KCNH1: variants seen among roughly 807,000 people sequenced by gnomAD.
KCNH1 encodes the protein potassium voltage-gated channel subfamily H member 1, also known as voltage-gated delayed rectifier potassium channel KCNH1.
A neutral mutation model predicts 69.2 loss-of-function variants in KCNH1; 27 were observed. The ratio of observed to expected loss-of-function variants is 0.39; its 90% confidence interval spans 0.29 to 0.54. The LOEUF (loss-of-function observed/expected upper bound fraction) is 0.54. Among genes scored for constraint, KCNH1 ranks in the 20% least tolerant of loss-of-function variants. KCNH1 has a pLI of 0.68. For synonymous variants in KCNH1, 456 were observed against 487.7 expected, an observed-to-expected ratio of 0.93 and a Z score of 0.86; for missense variants, 798 against 1,261.6, an observed-to-expected ratio of 0.63 and a Z score of 5.57.
intron 5 of KCNH1, among the ~76,000 whole-genome samples, chr1:211,073,588 G>A (rs1690683608): frequency 6.6e-6 from 1 of 151,908 alleles, no homozygotes; most frequent in Non-Finnish European, 1.5e-5. Context: ...AAAAATACTT[G>A]GAGACTAAAC....
chr1:210,906,502 C>T (rs1040425079), intron 7 of KCNH1, among the ~76,000 whole-genome samples: 1 of 152,240 alleles, frequency 6.6e-6, no homozygotes, highest in Admixed American at 6.5e-5. Context: ...TGTCATTCCA[C>T]ACAGTGACCG....
At chr1:210,731,737 C>T (rs1326983793) in intron 10 of KCNH1, among the ~76,000 whole-genome samples, 1 of 152,120 alleles carries the variant, frequency 6.6e-6, no homozygotes, top group Non-Finnish European at 1.5e-5. Flanking sequence ...GATAGAGTTC[C>T]CAGGTAAAGC....
chr1:210,999,903 A>C (rs1014529614), intron 6 of KCNH1, among the ~76,000 whole-genome samples: 6 of 152,230 alleles, frequency 3.9e-5, no homozygotes, highest in African/African-American at 1.4e-4. Flanking sequence ...AACAGAACCA[A>C]AGACAAAAAC....
intron 3 of KCNH1, among the ~76,000 whole-genome samples, chr1:211,099,739 A>G (rs1182880432): frequency 6.6e-6 from 1 of 152,168 alleles, no homozygotes; most frequent in East Asian, 1.9e-4. Context: ...GCCAGACACT[A>G]GCAAGTTTTA....
intron 3 of KCNH1, among the ~76,000 whole-genome samples, chr1:211,095,030 T>G (rs772705358): frequency 3.9e-5 from 6 of 152,172 alleles, no homozygotes; most frequent in Non-Finnish European, 8.8e-5. Context: ...TTGGCTCCAT[T>G]CAGACACTGA....
chr1:210,870,215 C>T (rs1231111129), intron 7 of KCNH1, among the ~76,000 whole-genome samples: 1 of 152,078 alleles, frequency 6.6e-6, no homozygotes, highest in African/African-American at 2.4e-5. Flanking sequence ...AAGTCCAACT[C>T]CATTCACTCT....
chr1:210,997,604 G>C (rs972084907), intron 6 of KCNH1, among the ~76,000 whole-genome samples: 1 of 152,164 alleles, frequency 6.6e-6, no homozygotes, highest in Non-Finnish European at 1.5e-5. Flanking sequence ...TATTATCCAG[G>C]AGAACTTCCC....
intron 1 of KCNH1, among the ~76,000 whole-genome samples, chr1:211,120,149 T>C (rs1691659724): frequency 6.6e-6 from 1 of 151,970 alleles, no homozygotes; most frequent in African/African-American, 2.4e-5. Flanking sequence ...AATGTTTCAA[T>C]AGATTAATCA....
chr1:210,751,226 AAG>A (rs1345773102), intron 10 of KCNH1, among the ~76,000 whole-genome samples: 1 of 152,148 alleles, frequency 6.6e-6, no homozygotes, highest in African/African-American at 2.4e-5. Context: ...GGTGGAGCAG[AAG>A]AGAGAGAAGG....
chr1:211,132,765 G>A (rs184342026), intron 1 of KCNH1: 1 of 152,200 alleles, frequency 6.6e-6, no homozygotes, highest in African/African-American at 2.4e-5. Context: ...TGTCTCCCTG[G>A]TAGAAGAATG....
Position 210,912,463 on chromosome 1 carries a change from ATACTT to A in KCNH1, c.1462+7172_1462+7176del, listed in dbSNP as rs1318320944. Among the ~76,000 whole-genome samples the A allele has an allele frequency of 2.6e-4, 39 of 152,334 alleles. 1 individual carries two copies. Among genetic ancestry groups the A allele is most frequent in the Middle Eastern group, 3.4e-3 (1 of 294 alleles). On this transcript the variant is annotated intron_variant, in intron 7 of 10. Coordinates refer to ENST00000271751, the MANE Select transcript of KCNH1 (RefSeq NM_172362.3). Reference sequence around the variant, plus strand: ...CAGATATACTTATATTTAATGACCTATACTTTAAACACTGTAATGTACCTGATATT... The same window carrying A: ...CAGATATACTTATATTTAATGACCTATAAACACTGTAATGTACCTGATATT...
intron 10 of KCNH1, among the ~76,000 whole-genome samples, chr1:210,764,822 T>C (rs369119623): frequency 6.6e-6 from 1 of 152,214 alleles, no homozygotes; most frequent in East Asian, 1.9e-4. Flanking sequence ...TAGCTAAAAA[T>C]AGAATTACCA....
At chr1:211,097,496 C>T (rs1360019697) in intron 3 of KCNH1, among the ~76,000 whole-genome samples, 1 of 152,096 alleles carries the variant, frequency 6.6e-6, no homozygotes, top group Non-Finnish European at 1.5e-5. Flanking sequence ...AAATGTTTTT[C>T]AATATGTCTA....
At chr1:211,025,559 G>C (rs1240865679) in intron 5 of KCNH1, among the ~76,000 whole-genome samples, 3 of 152,244 alleles carry the variant, frequency 2.0e-5, no homozygotes, top group South Asian at 2.1e-4. Flanking sequence ...TGAGTGTTGA[G>C]AGAAGCTGAG....
At chr1:210,984,149 A>G (rs974119904) in intron 6 of KCNH1, among the ~76,000 whole-genome samples, 3 of 152,216 alleles carry the variant, frequency 2.0e-5, no homozygotes, top group Admixed American at 2.0e-4. Flanking sequence ...GAAGTTGTCT[A>G]TCAGCTTAAG....
At chr1:210,827,611 G>A (rs2102434757) in intron 7 of KCNH1, among the ~76,000 whole-genome samples, 1 of 152,248 alleles carries the variant, frequency 6.6e-6, no homozygotes, top group South Asian at 2.1e-4. Context: ...ACTGAAATAG[G>A]CAGAGGAAGG....
At chr1:211,006,007 T>C (rs1334715662) in intron 6 of KCNH1, among the ~76,000 whole-genome samples, 1 of 152,142 alleles carries the variant, frequency 6.6e-6, no homozygotes, top group African/African-American at 2.4e-5. Context: ...CTAAATCTCT[T>C]TAGTCATTCA....
chr1:211,028,395 A>C (rs2102420632), intron 5 of KCNH1, among the ~76,000 whole-genome samples: 1 of 151,972 alleles, frequency 6.6e-6, no homozygotes, highest in East Asian at 1.9e-4. Flanking sequence ...CCACCTCAAG[A>C]ATCTATCAAA....
At chr1:210,883,908 T>C (rs1019830795) in intron 7 of KCNH1, among the ~76,000 whole-genome samples, 5 of 152,260 alleles carry the variant, frequency 3.3e-5, no homozygotes, top group African/African-American at 1.2e-4. Context: ...TAAACTTGGA[T>C]GGTGAAACCA....
Sources: gnomAD v4.1 joint callset for allele counts (sites outside exome capture counted in the v4.1 genomes callset) on GRCh38, gnomAD v4.1.1 for gene constraint, MANE v1.5 for transcripts, NCBI Gene and HGNC (gene_info 2026-07-23, HGNC 2026-07-21) for gene names.